The following YWHAG variants were observed in gnomAD, a reference collection of about 807,000 sequenced individuals.
YWHAG encodes 14-3-3 protein gamma.
Under a neutral mutation model 23.3 loss-of-function variants are expected in YWHAG, and 1 was observed. That is an observed-to-expected ratio of 0.04 (90% CI 0.02 to 0.20). The LOEUF is 0.20. YWHAG is among the 10% of genes least tolerant of loss of function. The pLI, the probability that YWHAG is intolerant of heterozygous loss-of-function variation, is 1.00. For synonymous variants in YWHAG, 160 were observed against 144.0 expected (o/e 1.11, Z -0.80); for missense variants, 151 against 338.6 (o/e 0.45, Z 4.35).
intron 1 of YWHAG, among the ~76,000 whole-genome samples, chr7:76,344,493 C>T (rs1407289133): frequency 2.6e-5 from 4 of 152,196 alleles, no homozygotes; most frequent in African/African-American, 4.8e-5. Context: ...TGTTCCAGCA[C>T]TCCCATGGCT....
rs1803506182 is a variant in YWHAG, at chr7:76,329,390, C to G, written c.*187G>C. 1 of 693,866 alleles carries G rather than the reference C, an allele frequency of 1.4e-6. No individual in the cohort carries two copies. The highest frequency in any genetic ancestry group is 1.8e-5 in the African/African-American group (1 of 55,754). 43.0% of individuals were successfully genotyped at this position (693,866 alleles called of 1,614,324 possible). ...GCTATTCCAATACCAGCACAGCTAGCCTGACTTTCCACTAGTGGTATTTTG... is the reference window on the plus strand; with the variant it reads ...GCTATTCCAATACCAGCACAGCTAGGCTGACTTTCCACTAGTGGTATTTTG... On this transcript the variant is annotated 3_prime_UTR_variant, in exon 2 of 2. Transcript: ENST00000307630. The surrounding 1 kb of genome is among the most constrained non-coding windows in gnomAD (Gnocchi z 6.1).
intron 1 of YWHAG, among the ~76,000 whole-genome samples, chr7:76,343,489 T>C (rs552336474): frequency 6.6e-6 from 1 of 152,300 alleles, no homozygotes; most frequent in South Asian, 2.1e-4. Flanking sequence ...ATCATGGTGG[T>C]ACCTTAACTC....
chr7:76,337,561 G>C (rs1803633843), intron 1 of YWHAG, among the ~76,000 whole-genome samples: 1 of 144,340 alleles, frequency 6.9e-6, no homozygotes, highest in South Asian at 2.2e-4. Flanking sequence ...TTGAGATGTA[G>C]TCTCCCTCTG....
chr7:76,335,127 G>C (rs1041824062), intron 1 of YWHAG, among the ~76,000 whole-genome samples: 2 of 151,970 alleles, frequency 1.3e-5, no homozygotes, highest in Non-Finnish European at 2.9e-5. Flanking sequence ...GCACAATCCC[G>C]GCTCACTGCA....
chr7:76,334,196 GATC>G (rs1281064684), intron 1 of YWHAG, among the ~76,000 whole-genome samples: 4 of 152,246 alleles, frequency 2.6e-5, no homozygotes, highest in Admixed American at 1.3e-4. Flanking sequence ...TTATCCTTTA[GATC>G]ATAATTACTT....
At chr7:76,354,535 A>C (rs1020012242) in intron 1 of YWHAG, among the ~76,000 whole-genome samples, 2 of 152,172 alleles carry the variant, frequency 1.3e-5, no homozygotes, top group African/African-American at 2.4e-5. Flanking sequence ...AATTAAAATA[A>C]AATACAATAA....
At chr7:76,336,642 G>C (rs1160303378) in intron 1 of YWHAG, among the ~76,000 whole-genome samples, 1 of 151,926 alleles carries the variant, frequency 6.6e-6, no homozygotes, top group Admixed American at 6.6e-5. Context: ...TTTTAGTAGA[G>C]ACAGGGTTTC....
chr7:76,338,889 T>C (rs890068375), intron 1 of YWHAG, among the ~76,000 whole-genome samples: 5 of 152,240 alleles, frequency 3.3e-5, no homozygotes, highest in African/African-American at 1.2e-4. Context: ...ACCTGTGCAT[T>C]CACACGACAT....
At chr7:76,354,062 AAAAAAAAAAAC>A (rs1379009244) in intron 1 of YWHAG, among the ~76,000 whole-genome samples, 1 of 141,834 alleles carries the variant, frequency 7.1e-6, no homozygotes, top group Non-Finnish European at 1.5e-5. Flanking sequence ...TTGCCTCAAA[AAAAAAAAAAAC>A]AAAAAACAAG....
chr7:76,334,081 G>A (rs1217492729), intron 1 of YWHAG, among the ~76,000 whole-genome samples: 1 of 152,190 alleles, frequency 6.6e-6, no homozygotes, highest in Non-Finnish European at 1.5e-5. Context: ...ACGCCCAGAT[G>A]TTCCCTGCCA....
At chr7:76,352,262 C>T (rs938171398) in intron 1 of YWHAG, among the ~76,000 whole-genome samples, 5 of 152,138 alleles carry the variant, frequency 3.3e-5, no homozygotes, top group Non-Finnish European at 7.4e-5. Flanking sequence ...AAATGTAAAT[C>T]ATCTCTACGG....
Position 76,327,614 on chromosome 7 carries a change from C to G in YWHAG, c.*1963G>C, listed in dbSNP as rs890391243. The G allele has an allele frequency of 7.0e-6, 1 of 142,818 alleles. No homozygotes were observed. The highest frequency in any genetic ancestry group is 2.1e-4 in the East Asian group (1 of 4,782). 8.8% of individuals were successfully genotyped at this position (142,818 alleles called of 1,614,324 possible). On this transcript the variant is annotated 3_prime_UTR_variant, in exon 2 of 2. Transcript: ENST00000307630. The stretch of plus-strand genomic sequence containing the variant: ...CATTTCCAAATGCTACAAGGAAAAA[C>G]GCAACACTGCTCACTGGACATGAAG...
chr7:76,358,520 G>A (rs1439570428), intron 1 of YWHAG, among the ~76,000 whole-genome samples: 3 of 152,130 alleles, frequency 2.0e-5, no homozygotes, highest in Admixed American at 6.5e-5. Context: ...CAGCGCCGCG[G>A]GGCCACGGGG....
In YWHAG at chr7:76,328,237, G is replaced by A. The variant is rs1369117227; in HGVS notation, c.*1340C>T. On this transcript the variant is annotated 3_prime_UTR_variant, in exon 2 of 2. Transcript: ENST00000307630. ...TCAATTCCAAATGTGCACTGGCTGC[G>A]TGAGACAAGCCAATCTCCAATTCCT... 2 of 152,112 alleles carry A rather than the reference G, an allele frequency of 1.3e-5. No individual in the cohort carries two copies. Among genetic ancestry groups the A allele is most frequent in the East Asian group, 1.9e-4 (1 of 5,182 alleles). 9.4% of individuals were successfully genotyped at this position (152,112 alleles called of 1,614,324 possible).
intron 1 of YWHAG, among the ~76,000 whole-genome samples, chr7:76,339,719 C>T (rs773159525): frequency 1.3e-5 from 2 of 152,084 alleles, no homozygotes; most frequent in South Asian, 2.1e-4. Flanking sequence ...ACACGAAGAC[C>T]GTAAGGATGA....
rs71085403 is a variant in YWHAG, at chr7:76,327,668, G to GCCCCCCCCCCCCCCCCCCCCCCCCCCC, written c.*1908_*1909insGGGGGGGGGGGGGGGGGGGGGGGGGGG. On this transcript the variant is annotated 3_prime_UTR_variant, in exon 2 of 2. Coordinates refer to ENST00000307630, the MANE Select transcript of YWHAG (RefSeq NM_012479.4). ...AATTAGGGAAAGCCCCACCTACCCT[G>GCCCCCCCCCCCCCCCCCCCCCCCCCCC]CCCCCCCCCCCCTCCCCCCCCAAAT... 10 of 47,086 alleles carry GCCCCCCCCCCCCCCCCCCCCCCCCCCC rather than the reference G, an allele frequency of 2.1e-4. No homozygotes were observed. Among genetic ancestry groups the GCCCCCCCCCCCCCCCCCCCCCCCCCCC allele is most frequent in the Non-Finnish European group, 3.3e-4 (9 of 27,254 alleles). The allele number at this position is 47,086 out of a possible 1,614,324, so 2.9% of individuals were successfully genotyped here.
chr7:76,357,655 A>T (rs1803981093), intron 1 of YWHAG, among the ~76,000 whole-genome samples: 1 of 152,196 alleles, frequency 6.6e-6, no homozygotes, highest in Non-Finnish European at 1.5e-5. Context: ...GCTTAAACAA[A>T]AAAAAGCCTC....
At chr7:76,349,255 C>T (rs907299479) in intron 1 of YWHAG, among the ~76,000 whole-genome samples, 1 of 149,164 alleles carries the variant, frequency 6.7e-6, no homozygotes, top group African/African-American at 2.5e-5. Flanking sequence ...GGCAGAATGG[C>T]GTGAATCTGG....
At chr7:76,349,647 G>A (rs569751542) in intron 1 of YWHAG, among the ~76,000 whole-genome samples, 19 of 152,294 alleles carry the variant, frequency 1.2e-4, no homozygotes, top group African/African-American at 4.6e-4. Context: ...GTTAATGATA[G>A]CTTTGTTTGA....
Sources: allele counts gnomAD v4.1 joint callset (sites outside exome capture counted in the v4.1 genomes callset), GRCh38; gene constraint gnomAD v4.1.1; non-coding constraint Gnocchi (gnomAD v3.1); transcripts MANE v1.5; gene names NCBI Gene and HGNC (gene_info 2026-07-23, HGNC 2026-07-21).